The following KLHL3 variants were observed in gnomAD, a reference collection of about 807,000 sequenced individuals.
The protein encoded by KLHL3 is kelch-like protein 3.
In KLHL3, 19 loss-of-function variants were observed where a neutral mutation model predicts 70.5. The observed-to-expected ratio is 0.27, with a 90% CI of 0.19 to 0.40. The LOEUF is 0.40. KLHL3 is among the 10% of genes least tolerant of loss of function. The pLI is 1.00. For missense variants in KLHL3, 512 were observed against 771.1 expected (o/e 0.66, Z 3.98); for synonymous variants, 258 against 290.3 (o/e 0.89, Z 1.13).
chr5:137,687,790 C>T (rs2149914917), intron 5 of KLHL3, among the ~76,000 whole-genome samples: 1 of 48,368 alleles, frequency 2.1e-5, no homozygotes, highest in Middle Eastern at 7.5e-3. Context: ...TAGAAGTAGA[C>T]ATGGGAGACT....
At chr5:137,672,040 T>C (rs1316965708) in intron 6 of KLHL3, 2 of 152,242 alleles carry the variant, frequency 1.3e-5, no homozygotes, top group Admixed American at 6.5e-5. Context: ...TGTCATATTC[T>C]GTGCATGGGT....
At chr5:137,680,546 C>CTT (rs1170112144) in intron 5 of KLHL3, among the ~76,000 whole-genome samples, 7 of 140,452 alleles carry the variant, frequency 5.0e-5, no homozygotes, top group Non-Finnish European at 7.8e-5. Context: ...AACACTTTTT[C>CTT]TTTTTTTTTT....
At chr5:137,702,170 G>A (rs1242845710) in intron 3 of KLHL3, among the ~76,000 whole-genome samples, 1 of 152,192 alleles carries the variant, frequency 6.6e-6, no homozygotes, top group Non-Finnish European at 1.5e-5. Context: ...GATGTCAAAT[G>A]TTAGAAAAGG....
intron 7 of KLHL3, among the ~76,000 whole-genome samples, chr5:137,660,429 G>T (rs968685111): frequency 9.2e-5 from 14 of 152,196 alleles, no homozygotes; most frequent in Non-Finnish European, 8.8e-5. Context: ...CCACAGGACA[G>T]TGGGAGGTTT....
chr5:137,674,675 T>G (rs541622044), intron 6 of KLHL3, among the ~76,000 whole-genome samples: 2 of 152,322 alleles, frequency 1.3e-5, no homozygotes, highest in African/African-American at 4.8e-5. Flanking sequence ...ACCAACCCAG[T>G]TGGGTTTTCT....
At chr5:137,731,375 C>T (rs1753170686) in intron 1 of KLHL3, among the ~76,000 whole-genome samples, 1 of 152,320 alleles carries the variant, frequency 6.6e-6, no homozygotes, top group African/African-American at 2.4e-5. Flanking sequence ...TGGGGGAGGA[C>T]TAAGTGACTT....
At position 137,698,207 on chromosome 5, in the gene KLHL3, G is replaced by C. The variant is rs867350661; in HGVS notation, c.363+80C>G. The C allele has an allele frequency of 2.9e-5, 45 of 1,548,134 alleles. 2 individuals carry two copies. In the Middle Eastern group the frequency reaches 7.4e-3, roughly 254 times the overall value. On this transcript the variant is annotated intron_variant, in intron 4 of 14. Transcript: ENST00000309755. ...CTTCAGTAACCAACTGAATTGTTGT[G>C]AGGGTTAAATAAAATAACGCTGTAA... is the stretch of plus-strand genomic sequence containing the variant.
At chr5:137,623,120 G>A (rs1487143422) in intron 14 of KLHL3, among the ~76,000 whole-genome samples, 1 of 152,204 alleles carries the variant, frequency 6.6e-6, no homozygotes, top group Admixed American at 6.5e-5. Flanking sequence ...TGAGCCCCCA[G>A]GCCAACCTTG....
intron 6 of KLHL3, among the ~76,000 whole-genome samples, chr5:137,670,785 T>C (rs958052790): frequency 6.6e-6 from 1 of 151,302 alleles, no homozygotes; most frequent in Non-Finnish European, 1.5e-5. Flanking sequence ...CTGACCAATA[T>C]GATGAAACCC....
intron 2 of KLHL3, among the ~76,000 whole-genome samples, chr5:137,715,985 T>A (rs1468041142): frequency 6.6e-6 from 1 of 152,180 alleles, no homozygotes; most frequent in Non-Finnish European, 1.5e-5. Context: ...AGAGCCAAGA[T>A]TTGAAGTCAG....
intron 1 of KLHL3, among the ~76,000 whole-genome samples, chr5:137,735,204 G>GC (rs1370245211): frequency 6.6e-6 from 1 of 152,188 alleles, no homozygotes; most frequent in African/African-American, 2.4e-5. Context: ...GCGTGAAAAT[G>GC]CAAGTACACT....
intron 1 of KLHL3, among the ~76,000 whole-genome samples, chr5:137,727,847 T>A (rs1052432650): frequency 3.7e-4 from 56 of 152,332 alleles, no homozygotes; most frequent in African/African-American, 1.3e-3. Context: ...TGCTGGTAAA[T>A]GTTTAACAGT....
In KLHL3 at chr5:137,671,247, C is replaced by T. The variant is rs1391942218; in HGVS notation, c.636+6298G>A. On this transcript the variant is annotated intron_variant, in intron 6 of 14. Coordinates refer to ENST00000309755, the MANE Select transcript of KLHL3 (RefSeq NM_017415.3). ...GGAATAGTCCTACTATTCCTCCAACCTAAATGGCTTTCCAAAATTCTACCC... is the reference window on the plus strand; with the variant it reads ...GGAATAGTCCTACTATTCCTCCAACTTAAATGGCTTTCCAAAATTCTACCC... Among the ~76,000 whole-genome samples, 3 of 152,096 alleles carry T rather than the reference C, an allele frequency of 2.0e-5. No individual in the cohort carries two copies. The East Asian group carries it at 5.8e-4, about 29-fold the overall frequency.
At chr5:137,722,848 G>A (rs970099056) in intron 1 of KLHL3, among the ~76,000 whole-genome samples, 2 of 152,002 alleles carry the variant, frequency 1.3e-5, no homozygotes, top group African/African-American at 2.4e-5. Flanking sequence ...TGTATTTTTA[G>A]TAGAAATGGG....
intron 12 of KLHL3, among the ~76,000 whole-genome samples, chr5:137,631,630 TACTC>T (rs1750638364): frequency 1.3e-5 from 2 of 152,204 alleles, no homozygotes; most frequent in African/African-American, 2.4e-5. Context: ...TTGGGCAAAT[TACTC>T]AACCACTGGC....
chr5:137,662,870 CT>C (rs1250267578), intron 6 of KLHL3, among the ~76,000 whole-genome samples: 1 of 152,114 alleles, frequency 6.6e-6, no homozygotes, highest in Non-Finnish European at 1.5e-5. Context: ...AATACCACTT[CT>C]AGAGCTCTAG....
At chr5:137,680,239 T>C (rs1285931130) in intron 5 of KLHL3, among the ~76,000 whole-genome samples, 1 of 152,218 alleles carries the variant, frequency 6.6e-6, no homozygotes, top group Non-Finnish European at 1.5e-5. Flanking sequence ...TTTTGTTTTG[T>C]TTTGCTTTTA....
chr5:137,676,570 G>C (rs1377761917), intron 6 of KLHL3, among the ~76,000 whole-genome samples: 1 of 152,172 alleles, frequency 6.6e-6, no homozygotes, highest in Admixed American at 6.5e-5. Flanking sequence ...TCCAGGTGCA[G>C]GGTAAATAAT....
At chr5:137,674,769 A>T (rs1751846446) in intron 6 of KLHL3, among the ~76,000 whole-genome samples, 1 of 152,246 alleles carries the variant, frequency 6.6e-6, no homozygotes, top group Non-Finnish European at 1.5e-5. Context: ...TCCACTATAA[A>T]ACAGTATTGA....
Sources: allele counts gnomAD v4.1 joint callset (sites outside exome capture counted in the v4.1 genomes callset), GRCh38; gene constraint gnomAD v4.1.1; transcripts MANE v1.5; gene names NCBI Gene and HGNC (gene_info 2026-07-23, HGNC 2026-07-21).